Variants in SLC39A5 observed in about 807,000 individuals in gnomAD.
SLC39A5 encodes the protein solute carrier family 39 member 5, also known as zinc transporter ZIP5.
A neutral mutation model predicts 46.9 loss-of-function variants in SLC39A5; 42 were observed. The ratio of observed to expected loss-of-function variants is 0.90; its 90% CI spans 0.70 to 1.16. SLC39A5 has a LOEUF of 1.16. Ranked by LOEUF, SLC39A5 falls within the 50% of genes most tolerant of loss-of-function variation. The probability of loss-of-function intolerance (pLI) is 0.00; values close to 1 mark genes in which losing one functional copy is unlikely to be tolerated. For synonymous variants in SLC39A5, 311 were observed against 323.1 expected, an observed-to-expected ratio of 0.96 and a Z score of 0.40; for missense variants, 677 against 686.8, an observed-to-expected ratio of 0.99 and a Z score of 0.16.
chr12:56,232,923 G>A (rs772676761), intron 5 of SLC39A5, 51 bp downstream of exon 5: 1 of 1,520,360 alleles, frequency 6.6e-7, no homozygotes, highest in Admixed American at 2.2e-5. Flanking sequence ...TAGATGGCCT[G>A]AAATGTTTAA....
In SLC39A5 at chr12:56,235,273, G is replaced by T. The variant is rs557572556; in HGVS notation, c.751G>T (p.Ala251Ser). 2 of 1,562,308 alleles carry T rather than the reference G, an allele frequency of 1.3e-6. No homozygotes were observed. The highest frequency in any genetic ancestry group is 2.2e-5 in the East Asian group (1 of 44,570). ...LLRPLLGFLGALAVGTLCGDA... is the reference protein window; with the variant it reads ...LLRPLLGFLGSLAVGTLCGDA... Reference sequence around the variant, plus strand: ...ACGGCCCTTGCTGGGCTTCCTGGGGGCCCTGGCGGTGGGCACTCTTTGTGG... The same window carrying T: ...ACGGCCCTTGCTGGGCTTCCTGGGGTCCCTGGCGGTGGGCACTCTTTGTGG... The change falls in exon 7 of 13, where the codon GCC becomes TCC. Residue 251 changes from alanine to serine, a missense_variant. Ala to Ser is a moderately conservative substitution (Grantham distance 99). Coordinates refer to ENST00000454355, the MANE Select transcript of SLC39A5 (RefSeq NM_173596.3).
intron 3 of SLC39A5, 126 bp from the exon 4 acceptor site, chr12:56,231,078 A>T: frequency 1.8e-6 from 1 of 562,064 alleles, no homozygotes; most frequent in South Asian, 2.6e-5. Flanking sequence ...GTGTGAAGGG[A>T]GAAAGAAGGC....
At chr12:56,237,463 A>C in intron 12 of SLC39A5, 123 bp downstream of exon 12, 1 of 1,545,874 alleles carries the variant, frequency 6.5e-7, no homozygotes, top group South Asian at 1.2e-5. Context: ...ATAGGCCCGC[A>C]AAAGTCTGAG....
intron 10 of SLC39A5, 81 bp downstream of exon 10, chr12:56,236,827 C>G: frequency 1.5e-5 from 23 of 1,582,010 alleles, no homozygotes; most frequent in Non-Finnish European, 2.0e-5. Flanking sequence ...AGGAGAGGGC[C>G]GTCAGGAAGA....
Position 56,235,193 on chromosome 12 carries a change from G to A in SLC39A5, c.671G>A (p.Ser224Asn). Reference sequence around the variant, plus strand: ...AGTGCCCTGGCAGTCCTGTTGCTCAGCCTCCCTTCTCCCCTATCCCTGCTG... The same window carrying A: ...AGTGCCCTGGCAGTCCTGTTGCTCAACCTCCCTTCTCCCCTATCCCTGCTG... Reference protein sequence around the residue: ...LQSALAVLLLSLPSPLSLLLL... With the variant: ...LQSALAVLLLNLPSPLSLLLL... Residue 224 changes from serine (S) to asparagine (N), a missense_variant, in exon 7 of 13, where the codon AGC becomes AAC. Physicochemically the swap from Ser to Asn is conservative, Grantham distance 46. Transcript: ENST00000454355. The A allele has an allele frequency of 6.4e-7, 1 of 1,561,196 alleles. No homozygotes were observed. Among genetic ancestry groups the A allele is most frequent in the Non-Finnish European group, 8.7e-7 (1 of 1,154,674 alleles).
At chr12:56,232,566 C>T in intron 4 of SLC39A5, 123 bp from the exon 5 acceptor site, 1 of 823,388 alleles carries the variant, frequency 1.2e-6, no homozygotes, top group Non-Finnish European at 1.8e-6. Flanking sequence ...TCCATGGTTT[C>T]TGGGTCCCAG....
Position 56,231,313 on chromosome 12 carries a change from CTG to C in SLC39A5, c.46_47del (p.Trp16GlyfsTer17). 6.2e-7 allele frequency: 1 copy of C among 1,612,276 alleles called. No individual in the cohort carries two copies. On this transcript the variant is annotated frameshift_variant, in exon 4 of 13. Transcript: ENST00000454355. LOFTEE classifies it high-confidence loss of function. ...CAGTGAGTCATCTGCTGGCCGGCTT[CTG>C]TGTGTGGGTCGTCTTGGGCTGGGTA... ...SPVSHLLAGFCVWVVLGWVGG... is the reference protein window; with the variant it reads ...SPVSHLLAGFXVWVVLGWVGG...
intron 4 of SLC39A5, among the ~76,000 whole-genome samples, chr12:56,232,373 T>C (rs1010459724): frequency 5.4e-4 from 82 of 151,656 alleles, no homozygotes; most frequent in Admixed American, 8.5e-4. Context: ...ACCATTTTGG[T>C]CAGGCTGGTC....
intron 4 of SLC39A5, among the ~76,000 whole-genome samples, chr12:56,231,765 A>G (rs2135847859): frequency 6.6e-6 from 1 of 152,138 alleles, no homozygotes; most frequent in South Asian, 2.1e-4. Context: ...TCGCTTTGTC[A>G]CCCAGGCTAA....
intron 4 of SLC39A5, among the ~76,000 whole-genome samples, chr12:56,232,136 G>A (rs938383967): frequency 1.4e-5 from 2 of 146,066 alleles, no homozygotes; most frequent in Non-Finnish European, 3.0e-5. Context: ...CTCCAAATTC[G>A]TAGACTTCTT....
Position 56,234,973 on chromosome 12 carries a change from G to T in SLC39A5, c.621G>T (p.Gly207=). The T allele has an allele frequency of 6.2e-7, 1 of 1,613,334 alleles. No individual in the cohort carries two copies. The part of the protein sequence containing the change: ...CIGAPAPAPP[G]DLLSALLQSA... ...GCGCTCCGGCCCCTGCACCCCCAGG[G>T]GATCTACTATCTGGTCAGCAAGTAG... The change falls in exon 6 of 13, where the codon GGG becomes GGT. Residue 207 remains glycine, a synonymous_variant. Coordinates refer to ENST00000454355, the MANE Select transcript of SLC39A5 (RefSeq NM_173596.3).
At chr12:56,237,102 G>T in intron 11 of SLC39A5, 48 bp from the exon 12 acceptor site, 1 of 1,612,434 alleles carries the variant, frequency 6.2e-7, no homozygotes, top group Non-Finnish European at 8.5e-7. Context: ...GCATGGATGA[G>T]GGGCACCCCA....
rs374918493 is a variant in SLC39A5 at position 56,237,611 on chromosome 12, G to A, written c.1503G>A (p.Pro501=). ...AGCTACCAGCCCTGCTTCGTCCTCC[G>A]GAGCCCCTGCCTACGCCCCATGTGC... ...VDMLPALLRP[P]EPLPTPHVLL... The change falls in exon 13 of 13, where the codon CCG becomes CCA. Residue 501 remains proline (P), a synonymous_variant. Coordinates refer to ENST00000454355, the MANE Select transcript of SLC39A5 (RefSeq NM_173596.3). The A allele has an allele frequency of 3.2e-5, 52 of 1,613,548 alleles. No homozygotes were observed. Among genetic ancestry groups the A allele is most frequent in the East Asian group, 1.1e-4 (5 of 44,856 alleles).
Position 56,237,768 on chromosome 12 carries a change from C to T in SLC39A5, c.*37C>T, listed in dbSNP as rs764587690. ...GAAAGGGGTCGGGTTGCCCTTCCTT[C>T]CCCCCAACCACAGGAATGGAGGCGG... On this transcript the variant is annotated 3_prime_UTR_variant, in exon 13 of 13. Transcript: ENST00000454355. The T allele has an allele frequency of 1.3e-6, 2 of 1,503,866 alleles. No individual in the cohort carries two copies. Among genetic ancestry groups the T allele is most frequent in the Non-Finnish European group, 1.8e-6 (2 of 1,128,964 alleles). 93.2% of individuals were successfully genotyped at this position (1,503,866 alleles called of 1,614,324 possible).
At position 56,231,409 on chromosome 12, in the gene SLC39A5, C is replaced by T. The variant is rs763124222; in HGVS notation, c.135C>T (p.Gly45=). 1 of 1,614,116 alleles carries T rather than the reference C, an allele frequency of 6.2e-7. No individual in the cohort carries two copies. The highest frequency in any genetic ancestry group is 8.5e-7 in the Non-Finnish European group (1 of 1,180,002). ...ACCATTACCTGGCCCAGCTGTTTGG[C>T]CTGTACGGCGAGAATGGGACGCTGA... The part of the protein sequence containing the change: ...EQNHYLAQLF[G]LYGENGTLTA... The change falls in exon 4 of 13, where the codon GGC becomes GGT. Residue 45 remains glycine (G), a synonymous_variant. Coordinates refer to ENST00000454355, the MANE Select transcript of SLC39A5 (RefSeq NM_173596.3).
rs2293511 is a variant in SLC39A5 at position 56,237,625 on chromosome 12, C to A, written c.1517C>A (p.Thr506Lys). The change falls in exon 13 of 13, where the codon ACG becomes AAG. Residue 506 changes from threonine to lysine, a missense_variant. Thr to Lys is a moderately conservative substitution (Grantham distance 78, BLOSUM62 -1). Transcript: ENST00000454355. ...ALLRPPEPLP[T>K]PHVLLQGLGL... The stretch of plus-strand genomic sequence containing the variant: ...CTTCGTCCTCCGGAGCCCCTGCCTA[C>A]GCCCCATGTGCTCCTGCAGGGGCTG... 1 of 1,613,502 alleles carries A rather than the reference C, an allele frequency of 6.2e-7. No homozygotes were observed. The highest frequency in any genetic ancestry group is 8.5e-7 in the Non-Finnish European group (1 of 1,179,844).
intron 8 of SLC39A5, 84 bp from the exon 9 acceptor site, chr12:56,236,312 C>A: frequency 1.6e-6 from 2 of 1,273,450 alleles, no homozygotes; most frequent in South Asian, 1.2e-5. Flanking sequence ...ACCAGGTGTT[C>A]ATCTTCCCAG....
intron 4 of SLC39A5, 139 bp downstream of exon 4, chr12:56,231,700 T>C: frequency 3.7e-6 from 3 of 804,462 alleles, no homozygotes; most frequent in Non-Finnish European, 5.5e-6. Flanking sequence ...TGGTATCTCT[T>C]CAAAACCTCT....
chr12:56,233,461 T>TA (rs1021431697), intron 5 of SLC39A5, among the ~76,000 whole-genome samples: 6 of 147,302 alleles, frequency 4.1e-5, no homozygotes, highest in East Asian at 2.0e-4. Flanking sequence ...AAAATGAAAA[T>TA]AAAAAAAATA....
Sources: allele counts gnomAD v4.1 joint callset (sites outside exome capture counted in the v4.1 genomes callset), GRCh38; gene constraint gnomAD v4.1.1; transcripts MANE v1.5; gene names NCBI Gene and HGNC (gene_info 2026-07-23, HGNC 2026-07-21).